COL18A1: variants seen among roughly 807,000 people sequenced by gnomAD.
COL18A1 encodes the protein collagen type XVIII alpha 1 chain.
In COL18A1, 133 loss-of-function variants were observed where a neutral mutation model predicts 168.0. The observed-to-expected ratio is 0.79, with a 90% CI of 0.69 to 0.91. The LOEUF is 0.91. Among genes scored for constraint, COL18A1 ranks in the 40% least tolerant of loss-of-function variants. The pLI is 0.00. For missense variants in COL18A1, 2,126 were observed against 1,925.4 expected, an observed-to-expected ratio of 1.10 and a Z score of -1.95; for synonymous variants, 949 against 809.0, an observed-to-expected ratio of 1.17 and a Z score of -2.94.
chr21:45,452,450 G>A (rs924260011), intron 2 of COL18A1, among the ~76,000 whole-genome samples: 7 of 151,152 alleles, frequency 4.6e-5, no homozygotes, highest in South Asian at 4.2e-4. Flanking sequence ...GAGTACTCAC[G>A]TGTGACATGT....
chr21:45,496,294 T>C (rs1568928703), intron 29 of COL18A1: 1 of 713,010 alleles, frequency 1.4e-6, no homozygotes, highest in East Asian at 2.7e-5. Context: ...TGTGCACGAC[T>C]CCAGCGTGGG....
chr21:45,481,806 G>T (rs1000812088), intron 13 of COL18A1, among the ~76,000 whole-genome samples, 157 bp from the exon 14 acceptor site: 1 of 152,210 alleles, frequency 6.6e-6, no homozygotes, highest in Non-Finnish European at 1.5e-5. Flanking sequence ...GCAGGCTGTG[G>T]GGTCTCCCGT....
chr21:45,449,567 C>A (rs1164569943), intron 2 of COL18A1, among the ~76,000 whole-genome samples: 2 of 152,114 alleles, frequency 1.3e-5, no homozygotes, highest in African/African-American at 4.8e-5. Flanking sequence ...AGAGAATGGG[C>A]TTATGGGGCA....
chr21:45,492,788 G>A (rs1000902882), intron 24 of COL18A1, 75 bp downstream of exon 24: 12 of 1,148,056 alleles, frequency 1.0e-5, no homozygotes, highest in South Asian at 2.4e-5. Context: ...AGAGCAGCCC[G>A]GTCGAGCTGG....
intron 38 of COL18A1, 74 bp downstream of exon 38, chr21:45,507,667 G>A (rs919424252): frequency 5.0e-6 from 7 of 1,397,770 alleles, no homozygotes; most frequent in Non-Finnish European, 7.0e-6. Flanking sequence ...CCCTGTTTGA[G>A]GAACAACACG....
intron 2 of COL18A1, among the ~76,000 whole-genome samples, chr21:45,464,783 C>T (rs76915339): frequency 0.011 from 1,643 of 152,240 alleles, 27 homozygotes; most frequent in African/African-American, 0.038. Context: ...TTTTGTCCTT[C>T]GATTTTAAGG....
chr21:45,446,278 G>A (rs571524384), intron 2 of COL18A1, among the ~76,000 whole-genome samples: 6 of 152,192 alleles, frequency 3.9e-5, no homozygotes, highest in South Asian at 2.1e-4. Flanking sequence ...CCACTGCACC[G>A]ATGCGTGTGT....
intron 32 of COL18A1, among the ~76,000 whole-genome samples, chr21:45,500,161 G>A (rs1286328229): frequency 9.5e-6 from 1 of 104,734 alleles, no homozygotes. Context: ...GCATGTGGGT[G>A]TGTAGTGTGG....
chr21:45,478,017 G>A (rs1602489211), intron 8 of COL18A1, 52 bp downstream of exon 8: 1 of 993,446 alleles, frequency 1.0e-6, no homozygotes, highest in Non-Finnish European at 1.5e-6. Context: ...GTGGGGGCTT[G>A]GGTAGGAGGG....
chr21:45,511,161 T>G lies in COL18A1; in HGVS notation c.3744T>G (p.Gly1248=). 2 of 1,600,072 alleles carry G rather than the reference T, an allele frequency of 1.2e-6. No individual in the cohort carries two copies. The highest frequency in any genetic ancestry group is 8.5e-7 in the Non-Finnish European group (1 of 1,173,724). ...SWEALFSGSE[G]PLKPGARIFS... Reference sequence around the variant, plus strand: ...AGGCTCTGTTCTCAGGCTCTGAGGGTCCGCTGAAGCCCGGGGCACGCATCT... The same window carrying G: ...AGGCTCTGTTCTCAGGCTCTGAGGGGCCGCTGAAGCCCGGGGCACGCATCT... Residue 1248 remains glycine, a synonymous_variant, in exon 41 of 42, where the codon GGT becomes GGG. Coordinates refer to ENST00000651438, the MANE Select transcript of COL18A1 (RefSeq NM_001379500.1).
intron 3 of COL18A1, among the ~76,000 whole-genome samples, chr21:45,469,355 A>G (rs2035331614): frequency 1.3e-5 from 2 of 152,214 alleles, no homozygotes; most frequent in Admixed American, 6.5e-5. Flanking sequence ...TGATCCCAGC[A>G]GGGTTCTCCT....
At chr21:45,481,781 G>A (rs998026175) in intron 13 of COL18A1, among the ~76,000 whole-genome samples, 182 bp from the exon 14 acceptor site, 2 of 152,234 alleles carry the variant, frequency 1.3e-5, no homozygotes, top group Admixed American at 6.5e-5. Flanking sequence ...ATGTGGCCGC[G>A]AAACTGCGGG....
rs375045387 is a variant in COL18A1 at position 45,480,757 on chromosome 21, G to A, written c.1510G>A (p.Glu504Lys). Residue 504 changes from glutamate (E) to lysine (K), a missense_variant, in exon 13 of 42, where the codon GAG becomes AAG. Transcript: ENST00000651438. Reference sequence around the variant, plus strand: ...CCCCGGTGTCCCAGGCCTGCCCGGCGAGCCAGGCCGCTTTGGGGTGAACAG... The same window carrying A: ...CCCCGGTGTCCCAGGCCTGCCCGGCAAGCCAGGCCGCTTTGGGGTGAACAG... ...GPPGVPGLPG[E>K]PGRFGVNSSD... 6.8e-6 allele frequency: 11 copies of A among 1,610,900 alleles called. No individual in the cohort carries two copies. Among genetic ancestry groups the A allele is most frequent in the African/African-American group, 1.3e-5 (1 of 75,034 alleles).
intron 2 of COL18A1, among the ~76,000 whole-genome samples, chr21:45,429,189 C>A (rs1272341956): frequency 1.3e-5 from 2 of 152,118 alleles, no homozygotes; most frequent in African/African-American, 2.4e-5. Flanking sequence ...GCGTGAGCCA[C>A]CGCGCCCAGC....
At position 45,425,368 on chromosome 21, in the gene COL18A1, G is replaced by C. The variant is rs895806366; in HGVS notation, c.106+19895G>C. Among the ~76,000 whole-genome samples, 1 of 152,210 alleles carries C rather than the reference G, an allele frequency of 6.6e-6. No individual in the cohort carries two copies. The highest frequency in any genetic ancestry group is 1.5e-5 in the Non-Finnish European group (1 of 68,038). On this transcript the variant is annotated intron_variant, in intron 2 of 41. Coordinates refer to ENST00000651438, the MANE Select transcript of COL18A1 (RefSeq NM_001379500.1). This position sits in a 1 kb window ranked among gnomAD's most constrained non-coding sequence, Gnocchi z 4.1. ...CAGAGCCCCAGACTGGGCTCCCCTG[G>C]AGGACCCTGGTGCTGACACAGAGTC...
At chr21:45,431,047 C>T (rs1338180021) in intron 2 of COL18A1, among the ~76,000 whole-genome samples, 1 of 152,160 alleles carries the variant, frequency 6.6e-6, no homozygotes, top group African/African-American at 2.4e-5. Flanking sequence ...AGGCACTGGT[C>T]TCTTGGCTTC....
chr21:45,481,259 C>A (rs1394769006), intron 13 of COL18A1, among the ~76,000 whole-genome samples: 2 of 152,148 alleles, frequency 1.3e-5, no homozygotes, highest in Non-Finnish European at 2.9e-5. Flanking sequence ...GTCTCAGGTC[C>A]CCACGGCAGG....
At chr21:45,447,006 G>T (rs942453984) in intron 2 of COL18A1, among the ~76,000 whole-genome samples, 1 of 152,220 alleles carries the variant, frequency 6.6e-6, no homozygotes, top group Admixed American at 6.5e-5. Context: ...GCCCACAGCT[G>T]ACACCGTGCT....
chr21:45,445,231 C>T (rs1023368485), intron 2 of COL18A1, among the ~76,000 whole-genome samples: 2 of 152,320 alleles, frequency 1.3e-5, no homozygotes, highest in African/African-American at 4.8e-5. Context: ...TTCTGTCTGG[C>T]TTCTTCCCCT....
Sources: gnomAD v4.1 joint callset for allele counts (sites outside exome capture counted in the v4.1 genomes callset) on GRCh38, gnomAD v4.1.1 for gene constraint, Gnocchi (gnomAD v3.1) non-coding constraint, MANE v1.5 for transcripts, NCBI Gene and HGNC (gene_info 2026-07-23, HGNC 2026-07-21) for gene names.